The following ABL2 variants were observed in gnomAD, a reference collection of about 807,000 sequenced individuals.
ABL2 encodes tyrosine-protein kinase ABL2.
Under a neutral mutation model 107.7 loss-of-function variants are expected in ABL2, and 49 were observed. The ratio of observed to expected loss-of-function variants is 0.45; its 90% CI spans 0.36 to 0.58. The LOEUF (loss-of-function observed/expected upper bound fraction) is 0.58, where lower values mean the gene tolerates loss of function less well. ABL2 is among the 20% of genes least tolerant of loss of function. The pLI is 0.00. For missense variants in ABL2, 1,245 were observed against 1,457.0 expected, an observed-to-expected ratio of 0.85 and a Z score of 2.37; for synonymous variants, 549 against 548.6, an observed-to-expected ratio of 1.00 and a Z score of -0.01.
chr1:179,152,548 G>C (rs1371782288), intron 1 of ABL2, among the ~76,000 whole-genome samples: 1 of 152,092 alleles, frequency 6.6e-6, no homozygotes, highest in Admixed American at 6.5e-5. Flanking sequence ...CTGTGTGTGT[G>C]CATGTGCATG....
intron 8 of ABL2, among the ~76,000 whole-genome samples, chr1:179,116,243 G>C (rs1036425870): frequency 6.6e-6 from 1 of 152,080 alleles, no homozygotes; most frequent in Non-Finnish European, 1.5e-5. Flanking sequence ...GCATGGTGAT[G>C]CATGCCTGTA....
Position 179,105,812 on chromosome 1 carries a change from G to C in ABL2, c.*1906C>G, listed in dbSNP as rs561602327. ...ACATAGTTTTCCCCTTAGTATTCTA[G>C]CCCAATTCATATAATCTCAACAATT... On this transcript the variant is annotated 3_prime_UTR_variant, in exon 12 of 12. Transcript: ENST00000502732. 1 of 224,780 alleles carries C rather than the reference G, an allele frequency of 4.4e-6. No homozygotes were observed. Among genetic ancestry groups the C allele is most frequent in the South Asian group, 1.8e-4 (1 of 5,436 alleles). The allele number at this position is 224,780 out of a possible 1,614,324, so 13.9% of individuals were successfully genotyped here. A position where few individuals can be genotyped will look rare whatever the true frequency, so the allele number is the denominator to read the frequency against.
chr1:179,135,800 C>T (rs1388447612), intron 1 of ABL2, among the ~76,000 whole-genome samples: 1 of 147,268 alleles, frequency 6.8e-6, no homozygotes, highest in Non-Finnish European at 1.5e-5. Context: ...CCCGCCCGGC[C>T]AGCCGCCCCG....
intron 1 of ABL2, among the ~76,000 whole-genome samples, chr1:179,162,016 T>C (rs1290871955): frequency 1.3e-5 from 2 of 152,176 alleles, no homozygotes; most frequent in Non-Finnish European, 2.9e-5. Context: ...CCCGTTGATC[T>C]TGGACCTCCC....
intron 1 of ABL2, among the ~76,000 whole-genome samples, chr1:179,226,943 AACATTCCC>A (rs1237514996): frequency 6.6e-6 from 1 of 152,212 alleles, no homozygotes; most frequent in Non-Finnish European, 1.5e-5. Flanking sequence ...TGTTCACAGC[AACATTCCC>A]ACAATCCAGT....
At position 179,184,251 on chromosome 1, in the gene ABL2, T is replaced by G; in HGVS notation, c.157+44990A>C. ...TAAGTCAGGTTACAGAATAGACTTT[T>G]ATTTTGATGAAAATCCTTCCTTTAA... is the stretch of plus-strand genomic sequence containing the variant. On this transcript the variant is annotated intron_variant, in intron 1 of 11. Transcript: ENST00000502732. The G allele has an allele frequency of 1.3e-5, 7 of 530,716 alleles. No homozygotes were observed. The South Asian group carries it at 1.4e-4, about 10-fold the overall frequency. The allele number at this position is 530,716 out of a possible 1,614,324, so 32.9% of individuals were successfully genotyped here. A position where few individuals can be genotyped will look rare whatever the true frequency, so the allele number is the denominator to read the frequency against.
At chr1:179,162,619 A>G (rs1387319607) in intron 1 of ABL2, among the ~76,000 whole-genome samples, 1 of 152,126 alleles carries the variant, frequency 6.6e-6, no homozygotes, top group African/African-American at 2.4e-5. Context: ...AAAAAACCCC[A>G]AAAAATAGCT....
In ABL2 at chr1:179,142,952, A is replaced by T. The variant is rs558591074; in HGVS notation, c.158-9578T>A. 3 of 1,614,218 alleles carry T rather than the reference A, an allele frequency of 1.9e-6. No individual in the cohort carries two copies. The African/African-American group carries it at 4.0e-5, about 22-fold the overall frequency. On this transcript the variant is annotated intron_variant, in intron 1 of 11. Coordinates refer to ENST00000502732, the MANE Select transcript of ABL2 (RefSeq NM_007314.4). ...CCATACCTGTTAAGTCGGGTAGAGCAGATTCTGAGGCCTCAGTGCACAGGC... is the reference window on the plus strand; with the variant it reads ...CCATACCTGTTAAGTCGGGTAGAGCTGATTCTGAGGCCTCAGTGCACAGGC...
At chr1:179,166,516 C>T (rs1015406629) in intron 1 of ABL2, among the ~76,000 whole-genome samples, 5 of 151,924 alleles carry the variant, frequency 3.3e-5, no homozygotes, top group African/African-American at 4.8e-5. Flanking sequence ...CGGTGGCTCA[C>T]GCCTGTAATC....
chr1:179,110,174 C>T, intron 11 of ABL2, 108 bp downstream of exon 11: 3 of 1,349,826 alleles, frequency 2.2e-6, no homozygotes, highest in Non-Finnish European at 3.1e-6. Context: ...AGACGCCATG[C>T]TTTCCCCAGG....
intron 1 of ABL2, among the ~76,000 whole-genome samples, chr1:179,135,809 C>T (rs1438012214): frequency 6.9e-6 from 1 of 144,686 alleles, no homozygotes; most frequent in Non-Finnish European, 1.5e-5. Context: ...CCAGCCGCCC[C>T]GTCCGGGAGG....
intron 1 of ABL2, among the ~76,000 whole-genome samples, chr1:179,148,928 A>G (rs796448147): frequency 6.7e-6 from 1 of 149,316 alleles, no homozygotes; most frequent in South Asian, 2.2e-4. Context: ...AAAAAAAAAA[A>G]GAAATTAGAC....
At chr1:179,127,452 A>G (rs1439795135) in intron 3 of ABL2, among the ~76,000 whole-genome samples, 1 of 152,224 alleles carries the variant, frequency 6.6e-6, no homozygotes, top group Admixed American at 6.5e-5. Context: ...CAAGTCACTC[A>G]GTGTATCTTT....
At chr1:179,167,534 G>GT (rs1284038106) in intron 1 of ABL2, among the ~76,000 whole-genome samples, 1 of 152,104 alleles carries the variant, frequency 6.6e-6, no homozygotes, top group African/African-American at 2.4e-5. Flanking sequence ...TAGAAACAAC[G>GT]TATTTTACAT....
intron 1 of ABL2, among the ~76,000 whole-genome samples, chr1:179,179,411 G>A (rs1165507514): frequency 1.3e-5 from 2 of 151,634 alleles, no homozygotes; most frequent in Non-Finnish European, 2.9e-5. Context: ...AATATATAAT[G>A]TTATATAATG....
chr1:179,112,405 A>G lies in ABL2; in HGVS notation c.1562-7T>C, dbSNP rs1461247779. 2 of 1,610,220 alleles carry G rather than the reference A, an allele frequency of 1.2e-6. No individual in the cohort carries two copies. The highest frequency in any genetic ancestry group is 1.7e-6 in the Non-Finnish European group (2 of 1,177,276). ...GCAGGGCTCCACTTCCAGCCTATGT[A>G]ACAGAAGAAAAAATATTAAAAACTC... On this transcript the variant is annotated splice_polypyrimidine_tract_variant and splice_region_variant and intron_variant, in intron 9 of 11. Transcript: ENST00000502732.
chr1:179,099,808 T>C lies in ABL2; in HGVS notation c.*7910A>G, dbSNP rs1652953444. On this transcript the variant is annotated 3_prime_UTR_variant, in exon 12 of 12. Transcript: ENST00000502732. ...ACTAAGCGAGCATAAAACTGGGGTT[T>C]GTCCAGTGACAGTCATTAGAGAATC... 1 of 232,014 alleles carries C rather than the reference T, an allele frequency of 4.3e-6. No homozygotes were observed. Among genetic ancestry groups the C allele is most frequent in the Non-Finnish European group, 8.5e-6 (1 of 117,344 alleles). 14.4% of individuals were successfully genotyped at this position (232,014 alleles called of 1,614,324 possible).
chr1:179,188,320 T>A (rs1229327961), intron 1 of ABL2, among the ~76,000 whole-genome samples: 1 of 151,860 alleles, frequency 6.6e-6, no homozygotes, highest in Non-Finnish European at 1.5e-5. Context: ...GCTAGGTAGA[T>A]CACCTAAGGG....
chr1:179,135,387 C>T (rs1232101837), intron 1 of ABL2, among the ~76,000 whole-genome samples: 2 of 151,894 alleles, frequency 1.3e-5, no homozygotes, highest in African/African-American at 2.4e-5. Flanking sequence ...CCTGCCACCC[C>T]GTCCGGGATG....
Sources: gnomAD v4.1 joint callset for allele counts (sites outside exome capture counted in the v4.1 genomes callset) on GRCh38, gnomAD v4.1.1 for gene constraint, MANE v1.5 for transcripts, NCBI Gene and HGNC (gene_info 2026-07-23, HGNC 2026-07-21) for gene names.